Variants in DCAF8 observed in about 807,000 individuals in gnomAD.
DCAF8 encodes DDB1 and CUL4 associated factor 8.
In DCAF8, 20 loss-of-function variants were observed where a neutral mutation model predicts 68.0. The observed-to-expected ratio is 0.29, with a 90% CI of 0.21 to 0.43. The LOEUF (loss-of-function observed/expected upper bound fraction) is 0.43, where lower values mean the gene tolerates loss of function less well. DCAF8 is among the 20% of genes least tolerant of loss of function. The probability of loss-of-function intolerance (pLI) is 1.00; values close to 1 mark genes in which losing one functional copy is unlikely to be tolerated. For synonymous variants in DCAF8, 230 were observed against 276.9 expected, an observed-to-expected ratio of 0.83 and a Z score of 1.68; for missense variants, 460 against 771.0, an observed-to-expected ratio of 0.60 and a Z score of 4.78.
chr1:160,251,183 CAGAG>C (rs1055225650), intron 2 of DCAF8, among the ~76,000 whole-genome samples: 3 of 152,132 alleles, frequency 2.0e-5, no homozygotes, highest in African/African-American at 7.2e-5. Context: ...ATTATTAAGA[CAGAG>C]AGCCACACAG....
At chr1:160,243,907 G>A (rs2101748600) in intron 3 of DCAF8, 53 bp downstream of exon 3, 1 of 1,582,348 alleles carries the variant, frequency 6.3e-7, no homozygotes, top group East Asian at 2.2e-5. Context: ...GCAGGGAGGA[G>A]GACAACCTCA....
chr1:160,239,308 T>C, intron 4 of DCAF8: 1 of 1,173,678 alleles, frequency 8.5e-7, no homozygotes, highest in South Asian at 2.0e-5. Context: ...ACCCTATGTG[T>C]TATTAGTCCC....
chr1:160,236,700 T>C (rs1287797912), intron 6 of DCAF8, among the ~76,000 whole-genome samples: 6 of 152,216 alleles, frequency 3.9e-5, no homozygotes, highest in African/African-American at 1.2e-4. Flanking sequence ...AAATGAACTG[T>C]GATAAAACAG....
intron 2 of DCAF8, among the ~76,000 whole-genome samples, chr1:160,246,086 C>T (rs1228475916): frequency 2.0e-5 from 3 of 151,762 alleles, no homozygotes; most frequent in Non-Finnish European, 4.4e-5. Context: ...TGTGGTGAGC[C>T]GAGATCGTGC....
intron 11 of DCAF8, chr1:160,220,281 A>G (rs968448291): frequency 6.6e-6 from 1 of 152,266 alleles, no homozygotes; most frequent in Non-Finnish European, 1.5e-5. Flanking sequence ...CAACTTACAT[A>G]TACAAACCTG....
intron 3 of DCAF8, among the ~76,000 whole-genome samples, chr1:160,241,360 A>AT (rs1656108987): frequency 6.6e-6 from 1 of 152,174 alleles, no homozygotes; most frequent in African/African-American, 2.4e-5. Flanking sequence ...TTAGTCACAC[A>AT]TTTTTAGTCT....
At chr1:160,228,115 C>CT (rs1655541976) in intron 7 of DCAF8, among the ~76,000 whole-genome samples, 1 of 145,798 alleles carries the variant, frequency 6.9e-6, no homozygotes, top group Non-Finnish European at 1.5e-5. Context: ...TTGGTAGAGA[C>CT]ACAGTCTTGC....
chr1:160,217,520 C>G lies in DCAF8; in HGVS notation c.*72G>C. 1 of 1,144,528 alleles carries G rather than the reference C, an allele frequency of 8.7e-7. No individual in the cohort carries two copies. The highest frequency in any genetic ancestry group is 1.3e-6 in the Non-Finnish European group (1 of 782,392). The allele number at this position is 1,144,528 out of a possible 1,614,324, so 70.9% of individuals were successfully genotyped here. A position where few individuals can be genotyped will look rare whatever the true frequency, so the allele number is the denominator to read the frequency against. On this transcript the variant is annotated 3_prime_UTR_variant, in exon 14 of 14. Transcript: ENST00000368074. ...AGTGCGTTTCTGCTGAATGTAGGGC[C>G]TGGGACAGGAAAGGGTTGCCCAGGC...
At chr1:160,239,528 G>A in intron 4 of DCAF8, 169 bp downstream of exon 4, 1 of 1,525,888 alleles carries the variant, frequency 6.6e-7, no homozygotes, top group Non-Finnish European at 8.8e-7. Context: ...ATCTAGGGTT[G>A]CCAAGAGTCT....
chr1:160,238,921 G>A (rs1655985716), intron 4 of DCAF8, 174 bp from the exon 5 acceptor site: 1 of 807,602 alleles, frequency 1.2e-6, no homozygotes, highest in Non-Finnish European at 1.8e-6. Flanking sequence ...AGGAGTTAAA[G>A]GAAAGGGAGA....
At chr1:160,260,977 C>T (rs887486126) in intron 2 of DCAF8, among the ~76,000 whole-genome samples, 3 of 151,922 alleles carry the variant, frequency 2.0e-5, no homozygotes, top group Non-Finnish European at 4.4e-5. Flanking sequence ...AAAATATGAT[C>T]GACACAAAGA....
rs1204099840 is a variant in DCAF8 at position 160,259,402 on chromosome 1, G to A, written c.-27+1883C>T. Among the ~76,000 whole-genome samples, 8 of 152,018 alleles carry A rather than the reference G, an allele frequency of 5.3e-5. No individual in the cohort carries two copies. The East Asian group carries it at 7.7e-4, about 15-fold the overall frequency. ...ACAAAAATTAGCTGGGCATGGTGGC[G>A]CATGCCTGTAATCCCAGCTACTCGG... On this transcript the variant is annotated intron_variant, in intron 2 of 13. Transcript: ENST00000368074.
chr1:160,244,501 G>A (rs768764254), intron 2 of DCAF8, among the ~76,000 whole-genome samples: 3 of 152,164 alleles, frequency 2.0e-5, no homozygotes, highest in Admixed American at 1.3e-4. Flanking sequence ...ACATAAAGAG[G>A]TGGGTCAGAT....
intron 11 of DCAF8, 50 bp from the exon 12 acceptor site, chr1:160,219,018 G>A (rs1487955748): frequency 2.5e-6 from 4 of 1,606,410 alleles, no homozygotes; most frequent in Admixed American, 3.4e-5. Context: ...TGGGAGTAGG[G>A]TTTAAAAACC....
chr1:160,250,645 G>C (rs1235113635), intron 2 of DCAF8, among the ~76,000 whole-genome samples: 4 of 152,096 alleles, frequency 2.6e-5, no homozygotes, highest in Non-Finnish European at 5.9e-5. Context: ...CTTCTCACTT[G>C]AAAACGAAAG....
chr1:160,238,467 AACCACAAATCTTAGG>A, intron 5 of DCAF8, 125 bp downstream of exon 5: 1 of 989,936 alleles, frequency 1.0e-6, no homozygotes, highest in Non-Finnish European at 1.4e-6. Context: ...CTCCTTTCTT[AACCACAAATCTTAGG>A]ACTGAAAGAG....
chr1:160,239,586 G>A (rs778282117), intron 4 of DCAF8, 111 bp downstream of exon 4: 27 of 1,607,262 alleles, frequency 1.7e-5, no homozygotes, highest in Admixed American at 5.0e-5. Flanking sequence ...GCCATGTCCC[G>A]ATATGTAATT....
intron 2 of DCAF8, among the ~76,000 whole-genome samples, chr1:160,247,703 C>T (rs6670084): frequency 0.43 from 65,256 of 151,964 alleles, 14,986 homozygotes; most frequent in South Asian, 0.61. Flanking sequence ...AGTTGGCATT[C>T]GAAAAGTTTC....
chr1:160,250,674 T>C (rs1163522646), intron 2 of DCAF8, among the ~76,000 whole-genome samples: 1 of 152,180 alleles, frequency 6.6e-6, no homozygotes, highest in Non-Finnish European at 1.5e-5. Flanking sequence ...GGATTTTTGC[T>C]GCAACCAAGA....
Sources: allele counts gnomAD v4.1 joint callset (sites outside exome capture counted in the v4.1 genomes callset), GRCh38; gene constraint gnomAD v4.1.1; transcripts MANE v1.5; gene names NCBI Gene and HGNC (gene_info 2026-07-23, HGNC 2026-07-21).